Variants in KCNQ5 observed in about 807,000 individuals in gnomAD.
KCNQ5 encodes the protein potassium voltage-gated channel subfamily KQT member 5.
KCNQ5 carries 30 observed loss-of-function variants against 98.2 expected under a neutral mutation model. That is an observed-to-expected ratio of 0.31 (90% CI 0.23 to 0.41). The LOEUF is 0.41. KCNQ5 is among the 10% of genes least tolerant of loss of function. KCNQ5 has a pLI of 1.00. For synonymous variants in KCNQ5, 458 were observed against 449.4 expected (o/e 1.02, Z -0.24); for missense variants, 835 against 1,182.5 (o/e 0.71, Z 4.31).
At chr6:73,114,757 T>C (rs1301750474) in intron 7 of KCNQ5, among the ~76,000 whole-genome samples, 1 of 152,156 alleles carries the variant, frequency 6.6e-6, no homozygotes, top group African/African-American at 2.4e-5. Flanking sequence ...TCCTCATAAA[T>C]ATATGCTTTA....
chr6:73,070,100 C>T (rs1014826861), intron 3 of KCNQ5, among the ~76,000 whole-genome samples: 5 of 152,072 alleles, frequency 3.3e-5, no homozygotes, highest in East Asian at 1.9e-4. Context: ...GATGTTAATC[C>T]GTGAATTTAA....
chr6:72,678,675 G>A (rs1410665208), intron 1 of KCNQ5: 10 of 152,086 alleles, frequency 6.6e-5, no homozygotes, highest in Admixed American at 6.5e-4. Flanking sequence ...CAATAAATGT[G>A]TATGATGCTG....
chr6:73,188,625 C>A (rs1023227137), intron 11 of KCNQ5, among the ~76,000 whole-genome samples: 27 of 152,268 alleles, frequency 1.8e-4, no homozygotes, highest in African/African-American at 6.5e-4. Context: ...AAGCTCTAAG[C>A]ACACAATGTC....
At position 73,195,755 on chromosome 6, in the gene KCNQ5, T is replaced by C. The variant is rs575229664; in HGVS notation, c.*341T>C. ...TTTGAAATTATGGGAGTAAACACCT[T>C]CAAATTTCAGGCATTTCTGCTTTGT... is the stretch of plus-strand genomic sequence containing the variant. On this transcript the variant is annotated 3_prime_UTR_variant, in exon 14 of 14. Transcript: ENST00000370398. 28 of 228,790 alleles carry C rather than the reference T, an allele frequency of 1.2e-4. No individual in the cohort carries two copies. Among genetic ancestry groups the C allele is most frequent in the African/African-American group, 5.8e-4 (26 of 44,844 alleles). The allele number at this position is 228,790 out of a possible 1,614,324, so 14.2% of individuals were successfully genotyped here. A position where few individuals can be genotyped will look rare whatever the true frequency, so the allele number is the denominator to read the frequency against.
intron 1 of KCNQ5, chr6:72,987,281 C>G (rs768310961): frequency 1.6e-5 from 11 of 693,236 alleles, no homozygotes; most frequent in African/African-American, 3.4e-5. Context: ...CAGAGACGGA[C>G]TTAGAGGTGG....
rs546291876 is a variant in KCNQ5 at position 72,766,318 on chromosome 6, C to T, written c.398+143731C>T. On this transcript the variant is annotated intron_variant, in intron 1 of 13. Transcript: ENST00000370398. ...TCTGGAGGCCAGCTAAAAGCTAAAT[C>T]ATGCAAGGCTGGGTAGACCATAACA... Among the ~76,000 whole-genome samples the T allele has an allele frequency of 6.6e-5, 10 of 152,120 alleles. No individual in the cohort carries two copies. In the South Asian group the frequency reaches 2.1e-3, roughly 32 times the overall value.
chr6:73,150,466 A>G (rs1235193915), intron 10 of KCNQ5, among the ~76,000 whole-genome samples: 1 of 146,122 alleles, frequency 6.8e-6, no homozygotes, highest in East Asian at 2.0e-4. Flanking sequence ...ATTTTATTAT[A>G]TATTACATAT....
intron 1 of KCNQ5, among the ~76,000 whole-genome samples, chr6:72,679,895 G>A (rs1383698107): frequency 6.6e-6 from 1 of 151,980 alleles, no homozygotes; most frequent in Non-Finnish European, 1.5e-5. Flanking sequence ...AAAATTAGCT[G>A]GATGTAGTAG....
At chr6:73,105,496 G>T (rs1371504378) in intron 6 of KCNQ5, 129 bp downstream of exon 6, 2 of 478,418 alleles carry the variant, frequency 4.2e-6, no homozygotes, top group Non-Finnish European at 7.3e-6. Context: ...CCGATATAAT[G>T]TTGACTTTTC....
At chr6:73,129,850 G>A in intron 9 of KCNQ5, 1 of 1,611,754 alleles carries the variant, frequency 6.2e-7, no homozygotes, top group Non-Finnish European at 8.5e-7. Context: ...GGAAGCAGAG[G>A]TACCCAGCAT....
intron 8 of KCNQ5, 75 bp downstream of exon 8, chr6:73,120,652 C>T (rs373410938): frequency 5.7e-6 from 5 of 881,642 alleles, no homozygotes; most frequent in Admixed American, 2.3e-5. Context: ...CCCACACACA[C>T]AAAAAAAGGT....
chr6:73,068,274 C>CA (rs1773155165), intron 3 of KCNQ5, among the ~76,000 whole-genome samples: 1 of 151,700 alleles, frequency 6.6e-6, no homozygotes, highest in South Asian at 2.1e-4. Context: ...CTAGCCTGGG[C>CA]AAAAAGAGGG....
chr6:72,870,211 C>T (rs138576287), intron 1 of KCNQ5, among the ~76,000 whole-genome samples: 234 of 152,178 alleles, frequency 1.5e-3, no homozygotes, highest in African/African-American at 5.5e-3. Flanking sequence ...ATAAATAACC[C>T]TGCTCCTTGG....
chr6:72,980,025 A>T (rs1220693009), intron 1 of KCNQ5, among the ~76,000 whole-genome samples: 1 of 151,926 alleles, frequency 6.6e-6, no homozygotes, highest in Non-Finnish European at 1.5e-5. Context: ...GTTCTGTTCC[A>T]TTGGTCTCTA....
chr6:73,030,484 G>A (rs1035229424), intron 2 of KCNQ5, among the ~76,000 whole-genome samples: 4 of 152,140 alleles, frequency 2.6e-5, no homozygotes, highest in Admixed American at 1.3e-4. Flanking sequence ...TACTCATATT[G>A]CCACAAAGTA....
rs376070055 is a variant in KCNQ5, at chr6:72,983,812, TA to T, written c.399-20095del. 7.3e-3 allele frequency among the ~76,000 whole-genome samples: 1,108 copies of T among 152,338 alleles called. 9 individuals are homozygous for T. Among genetic ancestry groups the T allele is most frequent in the South Asian group, 0.016 (75 of 4,826 alleles). ...TTGTTTCTCCCCATCTTCGTGGTTT[TA>T]TCTACCTTTGGTCTTTGATGATGGT... is the stretch of plus-strand genomic sequence containing the variant. On this transcript the variant is annotated intron_variant, in intron 1 of 13. Transcript: ENST00000370398.
At chr6:73,116,153 T>C (rs547718028) in intron 7 of KCNQ5, among the ~76,000 whole-genome samples, 2 of 152,318 alleles carry the variant, frequency 1.3e-5, no homozygotes, top group East Asian at 1.9e-4. Context: ...GCAGCCATAG[T>C]ACATCACATT....
intron 9 of KCNQ5, among the ~76,000 whole-genome samples, chr6:73,126,905 T>G (rs530717306): frequency 2.0e-4 from 31 of 152,110 alleles, no homozygotes; most frequent in African/African-American, 7.2e-4. Flanking sequence ...AAGTAGTTTG[T>G]GGGAAGAGAT....
At chr6:73,114,961 C>T (rs765391148) in intron 7 of KCNQ5, among the ~76,000 whole-genome samples, 41 of 152,062 alleles carry the variant, frequency 2.7e-4, no homozygotes, top group Non-Finnish European at 4.6e-4. Flanking sequence ...AGTCATTAAG[C>T]TCAAGCCACT....
Sources: gnomAD v4.1 joint callset for allele counts (sites outside exome capture counted in the v4.1 genomes callset) on GRCh38, gnomAD v4.1.1 for gene constraint, MANE v1.5 for transcripts, NCBI Gene and HGNC (gene_info 2026-07-23, HGNC 2026-07-21) for gene names.